The following RASEF variants were observed in gnomAD, a reference collection of about 807,000 sequenced individuals.
RASEF encodes RAS and EF-hand domain containing.
Under a neutral mutation model 90.1 loss-of-function variants are expected in RASEF, and 68 were observed. That is an observed-to-expected ratio of 0.75 (90% confidence interval 0.62 to 0.92). The LOEUF is 0.92. RASEF is among the 40% of genes least tolerant of loss of function. The pLI, the probability that RASEF is intolerant of heterozygous loss-of-function variation, is 0.00. For missense variants in RASEF, 949 were observed against 937.2 expected (o/e 1.01, Z -0.16); for synonymous variants, 331 against 345.2 (o/e 0.96, Z 0.46).
chr9:83,148,633 C>T, the RASEF span, among the ~76,000 whole-genome samples: 1 of 152,162 alleles, frequency 6.6e-6, no homozygotes, highest in Non-Finnish European at 1.5e-5. Context: ...GATATTTATG[C>T]CACTCAGTTT....
chr9:83,079,391 C>G, the RASEF span, among the ~76,000 whole-genome samples: 1 of 152,142 alleles, frequency 6.6e-6, no homozygotes, highest in South Asian at 2.1e-4. Flanking sequence ...CTATTCTGTT[C>G]CATTGGTCTA....
chr9:83,049,529 C>CTT (rs10687615), intron 1 of RASEF, among the ~76,000 whole-genome samples: 9,943 of 98,938 alleles, frequency 0.1, 678 homozygotes, highest in East Asian at 0.23. Flanking sequence ...TTCTGCCTTC[C>CTT]TTTTTTTTTT....
At chr9:83,175,945 T>G in the RASEF span, among the ~76,000 whole-genome samples, 18 of 152,264 alleles carry the variant, frequency 1.2e-4, no homozygotes, top group Non-Finnish European at 7.4e-5. Flanking sequence ...TCCTGGAAAT[T>G]TTTACATCTG....
At chr9:83,038,351 TGA>T (rs1829779947) in intron 1 of RASEF, among the ~76,000 whole-genome samples, 2 of 152,076 alleles carry the variant, frequency 1.3e-5, no homozygotes, top group Admixed American at 6.6e-5. Context: ...GTTCAACACT[TGA>T]GAGTGTCTTC....
the RASEF span, among the ~76,000 whole-genome samples, chr9:83,158,535 C>T: frequency 6.7e-6 from 1 of 149,610 alleles, no homozygotes; most frequent in Non-Finnish European, 1.5e-5. Flanking sequence ...AAGCTTTCCA[C>T]ACACACACAT....
chr9:83,207,376 C>T, the RASEF span, among the ~76,000 whole-genome samples: 1 of 152,138 alleles, frequency 6.6e-6, no homozygotes, highest in Non-Finnish European at 1.5e-5. Flanking sequence ...ATCTTCAGTC[C>T]ATCCCAGGTG....
the RASEF span, among the ~76,000 whole-genome samples, chr9:83,163,570 G>C: frequency 1.3e-5 from 2 of 152,128 alleles, no homozygotes; most frequent in African/African-American, 4.8e-5. Flanking sequence ...CAAAAACACT[G>C]AAACAGAAAT....
chr9:83,093,113 C>T, the RASEF span, among the ~76,000 whole-genome samples: 1 of 152,192 alleles, frequency 6.6e-6, no homozygotes, highest in Non-Finnish European at 1.5e-5. Context: ...ACACAGGGTG[C>T]TGATTGGTGT....
At chr9:82,991,057 G>C (rs916491761) in intron 15 of RASEF, among the ~76,000 whole-genome samples, 1 of 152,138 alleles carries the variant, frequency 6.6e-6, no homozygotes, top group African/African-American at 2.4e-5. Context: ...CATGGCCAAT[G>C]AGGCCCAGCT....
At chr9:83,003,966 A>C (rs924097976) in intron 9 of RASEF, among the ~76,000 whole-genome samples, 2 of 152,220 alleles carry the variant, frequency 1.3e-5, no homozygotes, top group African/African-American at 4.8e-5. Flanking sequence ...ATTTCAGTTC[A>C]TTTGATTAAA....
chr9:83,037,241 C>T (rs1829758281), intron 1 of RASEF, among the ~76,000 whole-genome samples: 2 of 151,894 alleles, frequency 1.3e-5, no homozygotes, highest in Admixed American at 1.3e-4. Context: ...TGTATATTGC[C>T]TGCACTAGCA....
rs1366240078 is a variant in RASEF at position 83,053,253 on chromosome 9, G to C, written c.431+9184C>G. The stretch of plus-strand genomic sequence containing the variant: ...CTGTATTGGGTGCATAAATATTTAG[G>C]ATAGTTAGCTCCTCTTGTTGAATTG... On this transcript the variant is annotated intron_variant, in intron 1 of 16. Transcript: ENST00000376447. Among the ~76,000 whole-genome samples the C allele has an allele frequency of 2.7e-5, 2 of 74,944 alleles. 1 individual carries two copies. The highest frequency in any genetic ancestry group is 1.2e-3 in the East Asian group (2 of 1,636). 49.2% of individuals were successfully genotyped at this position (74,944 alleles called of 152,430 possible).
the RASEF span, among the ~76,000 whole-genome samples, chr9:83,192,413 G>A: frequency 6.6e-6 from 1 of 152,144 alleles, no homozygotes; most frequent in African/African-American, 2.4e-5. Context: ...CAAGAACATG[G>A]ATGCAGCCAT....
chr9:83,141,144 A>C, the RASEF span, among the ~76,000 whole-genome samples: 1 of 38,582 alleles, frequency 2.6e-5, no homozygotes, highest in African/African-American at 1.1e-4. Context: ...ATTCCATCTC[A>C]AAAAAAAAAA....
the RASEF span, among the ~76,000 whole-genome samples, chr9:83,163,161 C>T: frequency 6.6e-6 from 1 of 152,198 alleles, no homozygotes; most frequent in African/African-American, 2.4e-5. Flanking sequence ...AGGAAAAATA[C>T]TTATGAACAC....
At chr9:83,161,610 T>G in the RASEF span, among the ~76,000 whole-genome samples, 1 of 151,738 alleles carries the variant, frequency 6.6e-6, no homozygotes, top group Non-Finnish European at 1.5e-5. Flanking sequence ...CTGAAATGAG[T>G]TAAGAATTTG....
the RASEF span, among the ~76,000 whole-genome samples, chr9:83,202,944 TAAC>T: frequency 6.6e-6 from 1 of 152,208 alleles, no homozygotes; most frequent in South Asian, 2.1e-4. Context: ...ACTTGTCAAT[TAAC>T]AATAAGTAAA....
At chr9:82,983,647 T>C (rs916708976) in intron 16 of RASEF, among the ~76,000 whole-genome samples, 2 of 152,186 alleles carry the variant, frequency 1.3e-5, no homozygotes, top group Non-Finnish European at 2.9e-5. Context: ...CCCTACCCTC[T>C]TGGTCAGAGC....
At chr9:83,157,225 T>C in the RASEF span, among the ~76,000 whole-genome samples, 6 of 152,212 alleles carry the variant, frequency 3.9e-5, no homozygotes, top group Admixed American at 2.6e-4. Flanking sequence ...AAAGTATGCA[T>C]AAAATAGGGA....
Sources: allele counts gnomAD v4.1 joint callset (sites outside exome capture counted in the v4.1 genomes callset), GRCh38; gene constraint gnomAD v4.1.1; transcripts MANE v1.5; gene names NCBI Gene and HGNC (gene_info 2026-07-23, HGNC 2026-07-21).